GNG3: variants seen among roughly 807,000 people sequenced by gnomAD.
GNG3 encodes G protein subunit gamma 3, also known as guanine nucleotide-binding protein G(I)/G(S)/G(O) subunit gamma-3.
GNG3 carries 4 observed loss-of-function variants against 5.6 expected under a neutral mutation model. The ratio of observed to expected loss-of-function variants is 0.71; its 90% CI spans 0.35 to 1.63. GNG3 has a LOEUF of 1.63. Among genes scored for constraint, GNG3 ranks in the 40% most tolerant of loss-of-function variants. The pLI is 0.05. For synonymous variants in GNG3, 30 were observed against 33.5 expected, an observed-to-expected ratio of 0.89 and a Z score of 0.36; for missense variants, 62 against 96.6, an observed-to-expected ratio of 0.64 and a Z score of 1.50.
chr11:62,707,469 G>A, upstream of GNG3: 1 of 678,660 alleles, frequency 1.5e-6, no homozygotes, highest in Non-Finnish European at 2.7e-6. Flanking sequence ...TGCAGGGGCC[G>A]TCATAGGCCC....
In GNG3 at chr11:62,708,811, C is replaced by T. The variant is rs1483349697; in HGVS notation, c.*5C>T. The T allele has an allele frequency of 1.2e-6, 2 of 1,608,990 alleles. No homozygotes were observed. Among genetic ancestry groups the T allele is most frequent in the Admixed American group, 3.3e-5 (2 of 59,866 alleles). ...TTCTTCTGTGCTCTCCTCTGAGCTC[C>T]CCTGTCCCTTCTCACAACTCCTCCC... On this transcript the variant is annotated 3_prime_UTR_variant, in exon 3 of 3. Transcript: ENST00000294117.
chr11:62,708,006 G>A lies in GNG3; in HGVS notation c.-2+91G>A, dbSNP rs1173886961. 4 of 445,018 alleles carry A rather than the reference G, an allele frequency of 9.0e-6. No individual in the cohort carries two copies. The Admixed American group carries it at 1.4e-4, about 15-fold the overall frequency. The allele number at this position is 445,018 out of a possible 1,614,324, so 27.6% of individuals were successfully genotyped here. Reference sequence around the variant, plus strand: ...TCATCAGGGTTGGTTGAGGTCTTCAGAGCTGGGAACACACATGGTTTGAAG... The same window carrying A: ...TCATCAGGGTTGGTTGAGGTCTTCAAAGCTGGGAACACACATGGTTTGAAG... On this transcript the variant is annotated intron_variant, in intron 1 of 2. Transcript: ENST00000294117.
upstream of GNG3, chr11:62,707,402 C>CAGCT: frequency 1.4e-6 from 1 of 702,560 alleles, no homozygotes; most frequent in Non-Finnish European, 2.6e-6. Context: ...GGCGACTGCC[C>CAGCT]AGCTGATGTC....
At chr11:62,707,101 G>A, upstream of GNG3, 1 of 1,552,020 alleles carries the variant, frequency 6.4e-7, no homozygotes, top group Non-Finnish European at 8.7e-7. Flanking sequence ...CCCCACAAGG[G>A]CCCCTACCTC....
Position 62,709,063 on chromosome 11 carries a change from C to G in GNG3, c.*257C>G. On this transcript the variant is annotated 3_prime_UTR_variant, in exon 3 of 3. Transcript: ENST00000294117. ...ACCCACAGCAGGGCCCCGTCAGACT[C>G]TGCCAGCGCGTCCTGCCCGCTTCCC... The G allele has an allele frequency of 2.0e-6, 1 of 503,614 alleles. No individual in the cohort carries two copies. Among genetic ancestry groups the G allele is most frequent in the South Asian group, 1.8e-5 (1 of 54,692 alleles). The allele number at this position is 503,614 out of a possible 1,614,324, so 31.2% of individuals were successfully genotyped here.
upstream of GNG3, chr11:62,706,739 T>C (rs1044806337): frequency 2.0e-6 from 1 of 510,818 alleles, no homozygotes; most frequent in African/African-American, 1.9e-5. Flanking sequence ...GCCTAGAGCA[T>C]GTTGCAGTTT....
upstream of GNG3, chr11:62,706,738 A>C (rs958838199): frequency 3.9e-6 from 2 of 509,940 alleles, no homozygotes; most frequent in South Asian, 1.5e-5. Flanking sequence ...CGCCTAGAGC[A>C]TGTTGCAGTT....
chr11:62,708,162 A>G lies in GNG3; in HGVS notation c.-1-133A>G, dbSNP rs955560475. ...ATACAGGGATGAGACAGTCCACTGG[A>G]GGAGGAGGAGGAGGATAGGAGGGGA... is the stretch of plus-strand genomic sequence containing the variant. On this transcript the variant is annotated intron_variant, in intron 1 of 2. Transcript: ENST00000294117. 4 of 628,638 alleles carry G rather than the reference A, an allele frequency of 6.4e-6. No individual in the cohort carries two copies. The African/African-American group carries it at 7.2e-5, about 11-fold the overall frequency. 38.9% of individuals were successfully genotyped at this position (628,638 alleles called of 1,614,324 possible).
chr11:62,706,446 C>A (rs189232519), upstream of GNG3: 3 of 426,752 alleles, frequency 7.0e-6, no homozygotes, highest in Non-Finnish European at 1.2e-5. Context: ...TGTCTCCTTG[C>A]GCTCGCCACT....
In GNG3 at chr11:62,708,664, T is replaced by G. The variant is rs769125080; in HGVS notation, c.100-14T>G. On this transcript the variant is annotated splice_polypyrimidine_tract_variant and intron_variant, in intron 2 of 2. Coordinates refer to ENST00000294117, the MANE Select transcript of GNG3 (RefSeq NM_012202.5). ...AGGTCCTGGCTAACAATACCCTTCC[T>G]GGCTGTGTCCCAGGTGTCCAAGGCA... 15 of 1,613,456 alleles carry G rather than the reference T, an allele frequency of 9.3e-6. No homozygotes were observed. The highest frequency in any genetic ancestry group is 1.3e-5 in the Non-Finnish European group (15 of 1,179,682).
In GNG3 at chr11:62,708,286, T is replaced by G; in HGVS notation, c.-1-9T>G. The G allele has an allele frequency of 6.3e-7, 1 of 1,595,004 alleles. No homozygotes were observed. The highest frequency in any genetic ancestry group is 1.7e-4 in the Middle Eastern group (1 of 6,032). On this transcript the variant is annotated splice_polypyrimidine_tract_variant and intron_variant, in intron 1 of 2. Transcript: ENST00000294117. Reference sequence around the variant, plus strand: ...AGACTGTGCTCTGAGAGGTCCCTCTTTTTTCCAGGATGAAAGGTGAGACCC... The same window carrying G: ...AGACTGTGCTCTGAGAGGTCCCTCTGTTTTCCAGGATGAAAGGTGAGACCC...
chr11:62,706,503 G>T (rs2083541329), upstream of GNG3: 2 of 416,150 alleles, frequency 4.8e-6, no homozygotes, highest in African/African-American at 4.1e-5. Context: ...GACCAAAGGG[G>T]AAAGACGCCT....
chr11:62,707,188 G>T, upstream of GNG3: 1 of 1,552,926 alleles, frequency 6.4e-7, no homozygotes, highest in Non-Finnish European at 8.7e-7. Flanking sequence ...TACCTTTTCT[G>T]TAGACATCTT....
chr11:62,708,259 T>A, intron 1 of GNG3, 36 bp from the exon 2 acceptor site: 1 of 1,361,936 alleles, frequency 7.3e-7, no homozygotes, highest in Non-Finnish European at 1.1e-6. Context: ...GGCCTCCAGC[T>A]GAGACTGTGC....
At chr11:62,706,705 T>C (rs2083546369), upstream of GNG3, 1 of 486,508 alleles carries the variant, frequency 2.1e-6, no homozygotes, top group South Asian at 1.5e-5. Context: ...CTAGGACCTG[T>C]AGGCATCTAA....
upstream of GNG3, chr11:62,706,985 G>T: frequency 1.2e-6 from 1 of 821,598 alleles, no homozygotes; most frequent in Non-Finnish European, 2.0e-6. Context: ...ACTGCTGCGG[G>T]CGTGGGAAGT....
Position 62,708,404 on chromosome 11 carries a change from A to T in GNG3, c.99+10A>T. 1 of 1,593,618 alleles carries T rather than the reference A, an allele frequency of 6.3e-7. No individual in the cohort carries two copies. The highest frequency in any genetic ancestry group is 8.6e-7 in the Non-Finnish European group (1 of 1,161,652). ...CTTGTGTCGGATAAAGGTAGGTGGGACCCTGGCTGGCTCCCATTAGTTGGC... is the reference window on the plus strand; with the variant it reads ...CTTGTGTCGGATAAAGGTAGGTGGGTCCCTGGCTGGCTCCCATTAGTTGGC... On this transcript the variant is annotated intron_variant, in intron 2 of 2. Coordinates refer to ENST00000294117, the MANE Select transcript of GNG3 (RefSeq NM_012202.5).
At chr11:62,708,444 C>A in intron 2 of GNG3, 50 bp downstream of exon 2, 4 of 1,375,630 alleles carry the variant, frequency 2.9e-6, no homozygotes, top group Non-Finnish European at 4.2e-6. Context: ...CTGTGCTGTG[C>A]TGCAGGTTCC....
At chr11:62,708,570 A>G in intron 2 of GNG3, 108 bp from the exon 3 acceptor site, 1 of 1,486,404 alleles carries the variant, frequency 6.7e-7, no homozygotes, top group Non-Finnish European at 9.2e-7. Flanking sequence ...GGGAGAAGAC[A>G]AGTCGTAAGG....
Sources: allele counts gnomAD v4.1 joint callset, GRCh38; gene constraint gnomAD v4.1.1; transcripts MANE v1.5; gene names NCBI Gene and HGNC (gene_info 2026-07-23, HGNC 2026-07-21).